The following AP1S3 variants were observed in gnomAD, a reference collection of about 807,000 sequenced individuals.
AP1S3 encodes the protein adaptor related protein complex 1 subunit sigma 3.
A neutral mutation model predicts 20.9 loss-of-function variants in AP1S3; 10 were observed. The ratio of observed to expected loss-of-function variants is 0.48; its 90% CI spans 0.29 to 0.81. The LOEUF (loss-of-function observed/expected upper bound fraction) is 0.81. AP1S3 is among the 30% of genes least tolerant of loss of function. AP1S3 has a pLI of 0.08. For synonymous variants in AP1S3, 41 were observed against 61.5 expected, an observed-to-expected ratio of 0.67 and a Z score of 1.56; for missense variants, 154 against 183.8, an observed-to-expected ratio of 0.84 and a Z score of 0.94.
At chr2:223,759,093 A>T (rs1690291642) in intron 4 of AP1S3, among the ~76,000 whole-genome samples, 1 of 152,086 alleles carries the variant, frequency 6.6e-6, no homozygotes, top group African/African-American at 2.4e-5. Flanking sequence ...CAGCCTGGCC[A>T]ACATGACAAA....
rs57119521 is a variant in AP1S3 at position 223,762,268 on chromosome 2, ATTTT to A, written c.429+2941_429+2944del. ...TAGGCATGAGCCATTGTGCCCAGCA[ATTTT>A]TTTTTTTTTTTTTTTTTTGAGATGG... is the stretch of plus-strand genomic sequence containing the variant. On this transcript the variant is annotated intron_variant, in intron 4 of 4. Coordinates refer to ENST00000396654, the MANE Select transcript of AP1S3 (RefSeq NM_001039569.2). Among the ~76,000 whole-genome samples, 604 of 105,180 alleles carry A rather than the reference ATTTT, an allele frequency of 5.7e-3. 25 individuals carry two copies. The highest frequency in any genetic ancestry group is 0.021 in the African/African-American group (560 of 27,100). 69.0% of individuals were successfully genotyped at this position (105,180 alleles called of 152,430 possible). A position where few individuals can be genotyped will look rare whatever the true frequency, so the allele number is the denominator to read the frequency against.
intron 1 of AP1S3, among the ~76,000 whole-genome samples, chr2:223,830,924 C>T (rs6436439): frequency 0.32 from 48,819 of 151,984 alleles, 8,244 homozygotes; most frequent in Middle Eastern, 0.42. Flanking sequence ...TCATGATTGT[C>T]GATAACATTC....
chr2:223,806,277 ATTTT>A (rs144953846), intron 1 of AP1S3, among the ~76,000 whole-genome samples: 30,423 of 110,140 alleles, frequency 0.28, 2,393 homozygotes, highest in African/African-American at 0.32. Flanking sequence ...AAACAAAGGA[ATTTT>A]TTTTTTTTTT....
At chr2:223,793,423 G>A (rs1463949022) in intron 1 of AP1S3, among the ~76,000 whole-genome samples, 1 of 152,108 alleles carries the variant, frequency 6.6e-6, no homozygotes, top group Non-Finnish European at 1.5e-5. Flanking sequence ...TCCTTTGCAG[G>A]GACATAGATG....
intron 3 of AP1S3, among the ~76,000 whole-genome samples, chr2:223,771,252 G>A (rs986561257): frequency 1.3e-5 from 2 of 151,902 alleles, no homozygotes; most frequent in African/African-American, 2.4e-5. Flanking sequence ...CAGGAGAATC[G>A]TTTGAACCCA....
intron 3 of AP1S3, among the ~76,000 whole-genome samples, chr2:223,767,913 T>C (rs1690519358): frequency 1.3e-5 from 2 of 152,244 alleles, no homozygotes; most frequent in Admixed American, 6.5e-5. Flanking sequence ...CTGATTCTAT[T>C]GTCTAAATAA....
intron 1 of AP1S3, among the ~76,000 whole-genome samples, chr2:223,820,148 A>G (rs1691952399): frequency 6.8e-6 from 1 of 146,376 alleles, no homozygotes; most frequent in Non-Finnish European, 1.5e-5. Context: ...TATTATTTCA[A>G]GGAAGCTCAC....
At chr2:223,778,661 G>C (rs1690849543) in intron 1 of AP1S3, among the ~76,000 whole-genome samples, 1 of 151,870 alleles carries the variant, frequency 6.6e-6, no homozygotes, top group South Asian at 2.1e-4. Flanking sequence ...GCTGAAGCAA[G>C]GGGAACGAGA....
intron 1 of AP1S3, among the ~76,000 whole-genome samples, chr2:223,813,671 T>C (rs752937895): frequency 1.1e-4 from 16 of 152,320 alleles, no homozygotes; most frequent in Middle Eastern, 3.4e-3. Flanking sequence ...ACAGCCCCTC[T>C]ATCCCTTCAT....
At chr2:223,807,657 T>C (rs1691616727) in intron 1 of AP1S3, among the ~76,000 whole-genome samples, 1 of 151,948 alleles carries the variant, frequency 6.6e-6, no homozygotes, top group Non-Finnish European at 1.5e-5. Flanking sequence ...TATCACGAGA[T>C]CTGGTTGTTT....
intron 1 of AP1S3, among the ~76,000 whole-genome samples, chr2:223,814,640 T>A (rs1039671480): frequency 1.3e-5 from 2 of 152,180 alleles, no homozygotes; most frequent in Non-Finnish European, 2.9e-5. Flanking sequence ...CAAAACATTC[T>A]CATTTCAAAT....
At chr2:223,791,603 T>G (rs1691218581) in intron 1 of AP1S3, among the ~76,000 whole-genome samples, 1 of 152,208 alleles carries the variant, frequency 6.6e-6, no homozygotes, top group Admixed American at 6.5e-5. Flanking sequence ...GCTGGAAGCA[T>G]TCCTCTTGAA....
chr2:223,768,061 A>G (rs1251189340), intron 3 of AP1S3, among the ~76,000 whole-genome samples: 2 of 152,170 alleles, frequency 1.3e-5, no homozygotes, highest in African/African-American at 4.8e-5. Flanking sequence ...CTTAGCTAAA[A>G]TGCTGATCTT....
intron 1 of AP1S3, among the ~76,000 whole-genome samples, chr2:223,805,925 T>C (rs184906085): frequency 7.9e-5 from 12 of 152,302 alleles, no homozygotes; most frequent in Admixed American, 5.2e-4. Context: ...CTAACACTAA[T>C]TGGCCAACTG....
At chr2:223,777,550 A>G (rs1418257890) in intron 2 of AP1S3, 141 bp downstream of exon 2, 4 of 682,746 alleles carry the variant, frequency 5.9e-6, no homozygotes, top group Non-Finnish European at 7.1e-6. Context: ...TTTTCTAGTT[A>G]GTCTATTGGT....
At chr2:223,830,204 C>T (rs1347871545) in intron 1 of AP1S3, among the ~76,000 whole-genome samples, 2 of 151,136 alleles carry the variant, frequency 1.3e-5, no homozygotes, top group East Asian at 2.0e-4. Context: ...CTCGGCTGGG[C>T]GCTGTGGATC....
At chr2:223,828,318 A>G (rs2106132257) in intron 1 of AP1S3, among the ~76,000 whole-genome samples, 1 of 134,392 alleles carries the variant, frequency 7.4e-6, no homozygotes, top group South Asian at 2.4e-4. Flanking sequence ...TTTTTTTGAG[A>G]CAGACTCTCA....
At chr2:223,825,743 A>G (rs10181119) in intron 1 of AP1S3, among the ~76,000 whole-genome samples, 48,970 of 152,076 alleles carry the variant, frequency 0.32, 8,317 homozygotes, top group Middle Eastern at 0.43. Context: ...ATTGCCGGCC[A>G]TGGTGGCTCA....
At chr2:223,822,251 G>C (rs1692006498) in intron 1 of AP1S3, among the ~76,000 whole-genome samples, 1 of 151,878 alleles carries the variant, frequency 6.6e-6, no homozygotes, top group African/African-American at 2.4e-5. Flanking sequence ...AAATGAGCTG[G>C]GCATGGTGTC....
Sources: gnomAD v4.1 joint callset for allele counts (sites outside exome capture counted in the v4.1 genomes callset) on GRCh38, gnomAD v4.1.1 for gene constraint, MANE v1.5 for transcripts, NCBI Gene and HGNC (gene_info 2026-07-23, HGNC 2026-07-21) for gene names.